The following LDLRAD4 variants were observed in gnomAD, a reference collection of about 807,000 sequenced individuals.
LDLRAD4 encodes the protein low-density lipoprotein receptor class A domain-containing protein 4.
In LDLRAD4, 5 loss-of-function variants were observed where a neutral mutation model predicts 17.0. The observed-to-expected ratio is 0.29, with a 90% CI of 0.15 to 0.62. LDLRAD4 has a LOEUF of 0.62. Among genes scored for constraint, LDLRAD4 ranks in the 20% least tolerant of loss-of-function variants. LDLRAD4 has a pLI of 0.84. For synonymous variants in LDLRAD4, 168 were observed against 171.8 expected, an observed-to-expected ratio of 0.98 and a Z score of 0.17; for missense variants, 340 against 424.7, an observed-to-expected ratio of 0.80 and a Z score of 1.75.
chr18:13,238,696 T>C (rs1188557111), intron 1 of LDLRAD4, among the ~76,000 whole-genome samples: 2 of 152,172 alleles, frequency 1.3e-5, no homozygotes, highest in African/African-American at 2.4e-5. Flanking sequence ...TTTAGGATCC[T>C]GGAGAGACTC....
At chr18:13,345,769 C>T (rs966978464) in intron 1 of LDLRAD4, among the ~76,000 whole-genome samples, 18 of 152,244 alleles carry the variant, frequency 1.2e-4, no homozygotes, top group African/African-American at 4.3e-4. Context: ...TGTTATTGGT[C>T]TATTCAGAGA....
At chr18:13,306,717 C>G (rs572164730) in intron 1 of LDLRAD4, among the ~76,000 whole-genome samples, 8 of 152,316 alleles carry the variant, frequency 5.3e-5, no homozygotes, top group African/African-American at 1.9e-4. Flanking sequence ...CAATAAATTC[C>G]TGCTGCAGAA....
chr18:13,395,483 T>G (rs950522942), intron 2 of LDLRAD4, among the ~76,000 whole-genome samples: 1 of 2,510 alleles, frequency 4.0e-4, no homozygotes, highest in Non-Finnish European at 6.8e-4. Context: ...GCTGGCAGGG[T>G]GGGAGCTGTT....
intron 1 of LDLRAD4, among the ~76,000 whole-genome samples, chr18:13,375,702 G>C (rs537710808): frequency 1.3e-5 from 2 of 152,234 alleles, no homozygotes; most frequent in South Asian, 4.2e-4. Flanking sequence ...GAGTTTACTG[G>C]GGCAATCATG....
At chr18:13,343,460 A>C (rs1457635143) in intron 1 of LDLRAD4, among the ~76,000 whole-genome samples, 1 of 151,674 alleles carries the variant, frequency 6.6e-6, no homozygotes, top group Non-Finnish European at 1.5e-5. Flanking sequence ...TATGTGCCAC[A>C]TTTTCTTAAT....
chr18:13,537,422 A>G (rs769956683), intron 3 of LDLRAD4, among the ~76,000 whole-genome samples: 1 of 152,302 alleles, frequency 6.6e-6, no homozygotes, highest in South Asian at 2.1e-4. Flanking sequence ...GATAATCGTC[A>G]TCAGGCATTA....
At chr18:13,537,989 T>TTA in intron 3 of LDLRAD4, among the ~76,000 whole-genome samples, 1 of 152,336 alleles carries the variant, frequency 6.6e-6, no homozygotes, top group East Asian at 1.9e-4. Flanking sequence ...ATATTGTTTA[T>TTA]TAGCCTTTTA....
chr18:13,646,464 G>C (rs901119670), exon 6 of LDLRAD4: 10 of 152,240 alleles, frequency 6.6e-5, no homozygotes, highest in Admixed American at 5.2e-4. Context: ...GCAGTGCATC[G>C]CTGAAGCTTT....
chr18:13,588,057 A>G (rs979241819), intron 3 of LDLRAD4, among the ~76,000 whole-genome samples: 1 of 152,108 alleles, frequency 6.6e-6, no homozygotes, highest in Non-Finnish European at 1.5e-5. Context: ...CCTGTAGAGG[A>G]TGTGGTGCTG....
intron 3 of LDLRAD4, among the ~76,000 whole-genome samples, chr18:13,445,657 TGA>T (rs745686744): frequency 3.3e-5 from 5 of 151,574 alleles, no homozygotes; most frequent in Admixed American, 2.0e-4. Flanking sequence ...CATTTGTGCA[TGA>T]GTGTGTTTGC....
At chr18:13,242,676 A>T (rs570019681) in intron 1 of LDLRAD4, among the ~76,000 whole-genome samples, 64 of 152,332 alleles carry the variant, frequency 4.2e-4, no homozygotes, top group Non-Finnish European at 8.5e-4. Flanking sequence ...TTTATGGGGT[A>T]CAAGTGCAGT....
At chr18:13,532,327 T>C (rs931038812) in intron 3 of LDLRAD4, among the ~76,000 whole-genome samples, 3 of 152,232 alleles carry the variant, frequency 2.0e-5, no homozygotes, top group African/African-American at 2.4e-5. Context: ...AGATTGCGGC[T>C]GAAACTTCGG....
intron 4 of LDLRAD4, among the ~76,000 whole-genome samples, chr18:13,626,465 A>T (rs557293529): frequency 5.9e-5 from 9 of 152,326 alleles, no homozygotes; most frequent in African/African-American, 1.9e-4. Flanking sequence ...AGGGGATGGC[A>T]TGCAGGCAGA....
At chr18:13,223,603 G>A (rs896887397) in intron 1 of LDLRAD4, among the ~76,000 whole-genome samples, 1 of 152,328 alleles carries the variant, frequency 6.6e-6, no homozygotes, top group Non-Finnish European at 1.5e-5. Context: ...CTCTGCTTCC[G>A]AAGGCAGCCG....
chr18:13,470,587 T>C (rs898561836), intron 3 of LDLRAD4, among the ~76,000 whole-genome samples: 16 of 148,152 alleles, frequency 1.1e-4, no homozygotes, highest in Non-Finnish European at 1.8e-4. Flanking sequence ...CTAGGCATGT[T>C]TGTTGATTGA....
At chr18:13,512,717 ACT>A (rs1210134854) in intron 3 of LDLRAD4, among the ~76,000 whole-genome samples, 1 of 151,940 alleles carries the variant, frequency 6.6e-6, no homozygotes, top group Admixed American at 6.6e-5. Flanking sequence ...CCCTCCTCTA[ACT>A]CTAACTGCAT....
At chr18:13,473,410 C>T (rs2092830614) in intron 3 of LDLRAD4, among the ~76,000 whole-genome samples, 1 of 152,000 alleles carries the variant, frequency 6.6e-6, no homozygotes, top group Non-Finnish European at 1.5e-5. Context: ...TGGCTCATGC[C>T]TGTAATCCCA....
At chr18:13,561,099 C>G (rs936203319) in intron 3 of LDLRAD4, among the ~76,000 whole-genome samples, 2 of 152,042 alleles carry the variant, frequency 1.3e-5, no homozygotes, top group Non-Finnish European at 2.9e-5. Context: ...GTAAAGCTCC[C>G]CAGTTACCAG....
chr18:13,243,827 CCCAT>C (rs953126447), intron 1 of LDLRAD4, among the ~76,000 whole-genome samples: 2 of 150,038 alleles, frequency 1.3e-5, no homozygotes, highest in African/African-American at 2.5e-5. Context: ...TACCCATCCA[CCCAT>C]CCATCTATCC....
Sources: allele counts gnomAD v4.1 joint callset (sites outside exome capture counted in the v4.1 genomes callset), GRCh38; gene constraint gnomAD v4.1.1; transcripts MANE v1.5; gene names NCBI Gene and HGNC (gene_info 2026-07-23, HGNC 2026-07-21).